Variants in SAMD5 observed in about 807,000 individuals in gnomAD.
The protein encoded by SAMD5 is sterile alpha motif domain-containing protein 5.
SAMD5 carries 13 observed loss-of-function variants against 11.3 expected under a neutral mutation model. The ratio of observed to expected loss-of-function variants is 1.15; its 90% confidence interval spans 0.75 to 1.83. SAMD5 has a LOEUF of 1.83. SAMD5 is among the 40% of genes most tolerant of loss of function. SAMD5 has a pLI of 0.00. For missense variants in SAMD5, 255 were observed against 239.1 expected (o/e 1.07, Z -0.44); for synonymous variants, 129 against 111.3 (o/e 1.16, Z -1.00).
At chr6:147,834,556 T>C in the SAMD5 span, among the ~76,000 whole-genome samples, 1 of 152,204 alleles carries the variant, frequency 6.6e-6, no homozygotes, top group African/African-American at 2.4e-5. Context: ...TGTTCAATTG[T>C]TGGGGTTCGG....
At chr6:147,752,417 C>A in the SAMD5 span, among the ~76,000 whole-genome samples, 3 of 152,088 alleles carry the variant, frequency 2.0e-5, no homozygotes, top group Admixed American at 6.6e-5. Context: ...ATGAATTTTT[C>A]AATATACATA....
the SAMD5 span, among the ~76,000 whole-genome samples, chr6:147,852,766 T>C: frequency 3.9e-5 from 6 of 152,172 alleles, no homozygotes; most frequent in African/African-American, 1.4e-4. Flanking sequence ...TAAAAAATAC[T>C]AAGGAGATAG....
chr6:147,854,331 C>A, the SAMD5 span, among the ~76,000 whole-genome samples: 1 of 152,118 alleles, frequency 6.6e-6, no homozygotes, highest in African/African-American at 2.4e-5. Flanking sequence ...GCCTTCAGAG[C>A]CATGCTGACA....
At chr6:147,605,312 A>T (rs1216528868) in intron 1 of SAMD5, among the ~76,000 whole-genome samples, 2 of 152,056 alleles carry the variant, frequency 1.3e-5, no homozygotes, top group African/African-American at 4.8e-5. Context: ...TGGGGGTCTC[A>T]CTCTGTTGGC....
chr6:147,714,789 A>C (rs1791444078), intron 1 of SAMD5, among the ~76,000 whole-genome samples: 1 of 152,206 alleles, frequency 6.6e-6, no homozygotes, highest in Non-Finnish European at 1.5e-5. Flanking sequence ...GAATGCCAAA[A>C]AAACGAATGA....
chr6:147,854,033 A>C, the SAMD5 span, among the ~76,000 whole-genome samples: 8 of 152,218 alleles, frequency 5.3e-5, no homozygotes, highest in African/African-American at 1.7e-4. Flanking sequence ...ACTAGTCTAG[A>C]CATGGGCATT....
At chr6:147,610,991 T>G (rs1789776777) in intron 1 of SAMD5, among the ~76,000 whole-genome samples, 1 of 151,160 alleles carries the variant, frequency 6.6e-6, no homozygotes, top group African/African-American at 2.4e-5. Context: ...TGCCTCAACC[T>G]CCTGAGTAGC....
At chr6:147,603,155 G>C (rs900865990) in intron 1 of SAMD5, among the ~76,000 whole-genome samples, 1 of 152,072 alleles carries the variant, frequency 6.6e-6, no homozygotes, top group Non-Finnish European at 1.5e-5. Flanking sequence ...TCTTCTTGGG[G>C]AATTACATCA....
chr6:147,940,202 ATTTTTT>A, the SAMD5 span, among the ~76,000 whole-genome samples: 25 of 133,190 alleles, frequency 1.9e-4, no homozygotes, highest in Non-Finnish European at 2.7e-4. Context: ...GGCAGAATTC[ATTTTTT>A]TTTTTTTTTT....
At chr6:147,835,395 C>T in the SAMD5 span, among the ~76,000 whole-genome samples, 8 of 152,234 alleles carry the variant, frequency 5.3e-5, no homozygotes, top group Admixed American at 2.6e-4. Flanking sequence ...CATCAGTTTT[C>T]CTCAGCTGCT....
the SAMD5 span, among the ~76,000 whole-genome samples, chr6:147,898,164 A>G: frequency 2.0e-5 from 3 of 151,996 alleles, no homozygotes; most frequent in African/African-American, 7.3e-5. Context: ...TACCCACAGG[A>G]CTTGGGCTTA....
chr6:147,730,542 CAGG>C (rs1255208960), intron 1 of SAMD5, among the ~76,000 whole-genome samples: 4 of 152,136 alleles, frequency 2.6e-5, no homozygotes, highest in South Asian at 4.2e-4. Flanking sequence ...GGAAGATTAT[CAGG>C]AGTTCAGTTT....
At chr6:147,954,395 AT>A in the SAMD5 span, among the ~76,000 whole-genome samples, 1 of 152,146 alleles carries the variant, frequency 6.6e-6, no homozygotes, top group African/African-American at 2.4e-5. Context: ...GTCCCATCAG[AT>A]TACAATGGAG....
chr6:147,766,102 A>G, the SAMD5 span, among the ~76,000 whole-genome samples: 1 of 148,892 alleles, frequency 6.7e-6, no homozygotes, highest in Non-Finnish European at 1.5e-5. Context: ...TAAGCAATGG[A>G]AGAAAAAAAA....
downstream of SAMD5, chr6:147,741,348 C>T (rs1791876954): frequency 6.6e-6 from 1 of 152,036 alleles, no homozygotes; most frequent in Admixed American, 6.6e-5. Flanking sequence ...CCTGGGGGGT[C>T]TTTGATGAGA....
the SAMD5 span, among the ~76,000 whole-genome samples, chr6:147,862,963 A>G: frequency 0.24 from 37,162 of 152,096 alleles, 4,786 homozygotes; most frequent in Non-Finnish European, 0.29. Context: ...TTAGCTTCCA[A>G]GAGTATTTCC....
At chr6:147,864,518 G>A in the SAMD5 span, among the ~76,000 whole-genome samples, 1 of 152,176 alleles carries the variant, frequency 6.6e-6, no homozygotes, top group African/African-American at 2.4e-5. Flanking sequence ...CATCATTTGG[G>A]GGAGATCTTA....
chr6:147,675,902 T>C (rs1790856222), intron 1 of SAMD5, among the ~76,000 whole-genome samples: 1 of 152,214 alleles, frequency 6.6e-6, no homozygotes, highest in African/African-American at 2.4e-5. Context: ...TAAACTTCCT[T>C]TGCATTTTAT....
downstream of SAMD5, chr6:147,741,290 A>G (rs1467396695): frequency 6.6e-6 from 1 of 152,122 alleles, no homozygotes; most frequent in East Asian, 1.9e-4. Flanking sequence ...AGCCGTTGAC[A>G]TACAATGACC....
Sources: gnomAD v4.1 joint callset for allele counts (sites outside exome capture counted in the v4.1 genomes callset) on GRCh38, gnomAD v4.1.1 for gene constraint, MANE v1.5 for transcripts, NCBI Gene and HGNC (gene_info 2026-07-23, HGNC 2026-07-21) for gene names.